Variants in ARHGAP26 observed in about 807,000 individuals in gnomAD.
The protein encoded by ARHGAP26 is rho GTPase-activating protein 26.
ARHGAP26 carries 38 observed loss-of-function variants against 104.8 expected under a neutral mutation model. The ratio of observed to expected loss-of-function variants is 0.36; its 90% CI spans 0.28 to 0.48. The LOEUF is 0.48. ARHGAP26 is among the 20% of genes least tolerant of loss of function. ARHGAP26 has a pLI of 0.99. For missense variants in ARHGAP26, 704 were observed against 947.9 expected, an observed-to-expected ratio of 0.74 and a Z score of 3.38; for synonymous variants, 341 against 340.0, an observed-to-expected ratio of 1.00 and a Z score of -0.03.
At chr5:143,097,982 G>C (rs1254066602) in intron 17 of ARHGAP26, among the ~76,000 whole-genome samples, 3 of 151,984 alleles carry the variant, frequency 2.0e-5, no homozygotes, top group African/African-American at 7.3e-5. Context: ...ATTATTTGTA[G>C]AATTCCAATT....
chr5:143,071,236 C>A (rs999965872), intron 17 of ARHGAP26, among the ~76,000 whole-genome samples: 1 of 152,172 alleles, frequency 6.6e-6, no homozygotes, highest in Non-Finnish European at 1.5e-5. Context: ...TACTACGAAG[C>A]TGTAGTAACC....
intron 11 of ARHGAP26, among the ~76,000 whole-genome samples, chr5:142,973,085 A>G (rs1444468050): frequency 1.3e-5 from 2 of 152,164 alleles, no homozygotes; most frequent in Non-Finnish European, 2.9e-5. Flanking sequence ...CCCCTAGTCC[A>G]GTTGACTGAG....
intron 10 of ARHGAP26, among the ~76,000 whole-genome samples, chr5:142,931,126 G>A (rs761374379): frequency 1.3e-5 from 2 of 152,186 alleles, no homozygotes; most frequent in Non-Finnish European, 2.9e-5. Flanking sequence ...AACTTTTTGA[G>A]GGTTGCAGTT....
chr5:142,963,202 G>A (rs13157734), intron 11 of ARHGAP26, among the ~76,000 whole-genome samples: 3,134 of 88,816 alleles, frequency 0.035, 101 homozygotes, highest in East Asian at 0.083. Flanking sequence ...ATATATATGT[G>A]TGTGTGTGTG....
chr5:142,846,297 A>G (rs1771929755), intron 1 of ARHGAP26, among the ~76,000 whole-genome samples: 1 of 152,140 alleles, frequency 6.6e-6, no homozygotes, highest in Admixed American at 6.5e-5. Context: ...GTTGTATCCA[A>G]GCTCAGAGGG....
At chr5:142,852,286 T>C (rs566211536) in intron 1 of ARHGAP26, among the ~76,000 whole-genome samples, 20 of 152,352 alleles carry the variant, frequency 1.3e-4, no homozygotes, top group African/African-American at 4.8e-4. Context: ...TGTTGTGGGA[T>C]GCTCACATAT....
Position 142,773,545 on chromosome 5 carries a change from G to C in ARHGAP26, c.154+2630G>C, listed in dbSNP as rs538170305. ...CAAATTCTTTATAGATCTAGATCCC[G>C]TAAAGGAGAAACATGCAGCAGGTGC... is the stretch of plus-strand genomic sequence containing the variant. On this transcript the variant is annotated intron_variant, in intron 1 of 22. Coordinates refer to ENST00000645722, the MANE Select transcript of ARHGAP26 (RefSeq NM_001135608.3). Among the ~76,000 whole-genome samples, 19 of 152,308 alleles carry C rather than the reference G, an allele frequency of 1.2e-4. No homozygotes were observed. In the South Asian group the frequency reaches 3.9e-3, roughly 32 times the overall value.
chr5:143,193,240 CTTTTTT>C (rs57462040), intron 20 of ARHGAP26, among the ~76,000 whole-genome samples: 36 of 74,578 alleles, frequency 4.8e-4, no homozygotes, highest in Middle Eastern at 0.012. Flanking sequence ...ATTTTCTTTT[CTTTTTT>C]TTTTTTTTTT....
chr5:142,954,669 T>G (rs1440750884), intron 11 of ARHGAP26, among the ~76,000 whole-genome samples: 1 of 152,260 alleles, frequency 6.6e-6, no homozygotes, highest in Non-Finnish European at 1.5e-5. Context: ...CACAGTAGCA[T>G]GCAGTACATG....
intron 18 of ARHGAP26, among the ~76,000 whole-genome samples, chr5:143,127,070 T>C (rs762611134): frequency 1.3e-5 from 2 of 152,224 alleles, no homozygotes; most frequent in Non-Finnish European, 2.9e-5. Flanking sequence ...TCCCTTTACT[T>C]AGTGTTTTAA....
intron 11 of ARHGAP26, among the ~76,000 whole-genome samples, chr5:142,963,885 T>C (rs1242634843): frequency 6.6e-6 from 1 of 152,212 alleles, no homozygotes; most frequent in Non-Finnish European, 1.5e-5. Context: ...CATCAGAAAT[T>C]TAACAGAGTG....
intron 18 of ARHGAP26, among the ~76,000 whole-genome samples, chr5:143,132,919 A>G (rs1314042246): frequency 2.6e-5 from 4 of 152,104 alleles, no homozygotes; most frequent in Middle Eastern, 3.4e-3. Context: ...GTGGCTACTG[A>G]ACCTCCCTGA....
intron 1 of ARHGAP26, among the ~76,000 whole-genome samples, chr5:142,840,410 C>A (rs1382404064): frequency 6.6e-6 from 1 of 152,068 alleles, no homozygotes; most frequent in East Asian, 1.9e-4. Context: ...GAATCTTAGG[C>A]AGTACATAAT....
chr5:142,920,454 G>A (rs1763052253), intron 10 of ARHGAP26, among the ~76,000 whole-genome samples: 1 of 152,128 alleles, frequency 6.6e-6, no homozygotes, highest in Admixed American at 6.5e-5. Flanking sequence ...TTTCTCTCAG[G>A]TGTTTTCCAG....
intron 14 of ARHGAP26, 69 bp from the exon 15 acceptor site, chr5:143,054,370 C>A: frequency 9.0e-7 from 1 of 1,107,806 alleles, no homozygotes; most frequent in Non-Finnish European, 1.3e-6. Context: ...GATTGGATGC[C>A]TTTATGTGTG....
Position 142,879,400 on chromosome 5 carries a change from C to T in ARHGAP26, c.339C>T (p.Ile113=). 6.2e-7 allele frequency: 1 copy of T among 1,614,096 alleles called. No homozygotes were observed. Among genetic ancestry groups the T allele is most frequent in the Non-Finnish European group, 8.5e-7 (1 of 1,179,988 alleles). ...TTGAGAATGCCAGCGAGGTGCTCAT[C>T]ACTCCCTTGGAGAAGTTTCGAAAGG... is the stretch of plus-strand genomic sequence containing the variant. The part of the protein sequence containing the change: ...RMIENASEVL[I]TPLEKFRKEQ... Residue 113 remains isoleucine, a synonymous_variant, in exon 4 of 23, where the codon ATC becomes ATT. Transcript: ENST00000645722.
chr5:142,889,922 G>A (rs561219683), intron 5 of ARHGAP26, among the ~76,000 whole-genome samples: 72 of 150,666 alleles, frequency 4.8e-4, no homozygotes, highest in Non-Finnish European at 9.0e-4. Context: ...ATCACCTGAG[G>A]TCTGGAGTTC....
intron 1 of ARHGAP26, among the ~76,000 whole-genome samples, chr5:142,838,935 A>T (rs1406199251): frequency 6.6e-6 from 1 of 152,216 alleles, no homozygotes; most frequent in Non-Finnish European, 1.5e-5. Context: ...TTATGCCATC[A>T]TGACTTATTT....
At chr5:143,023,742 C>T (rs1448448413) in intron 12 of ARHGAP26, among the ~76,000 whole-genome samples, 2 of 152,202 alleles carry the variant, frequency 1.3e-5, no homozygotes, top group African/African-American at 4.8e-5. Context: ...GGCCTGGCCG[C>T]CTATGCACTG....
Sources: allele counts gnomAD v4.1 joint callset (sites outside exome capture counted in the v4.1 genomes callset), GRCh38; gene constraint gnomAD v4.1.1; transcripts MANE v1.5; gene names NCBI Gene and HGNC (gene_info 2026-07-23, HGNC 2026-07-21).